NPM1: variants seen among roughly 807,000 people sequenced by gnomAD.
NPM1 encodes the protein nucleophosmin.
Under a neutral mutation model 44.1 loss-of-function variants are expected in NPM1, and 1 was observed. That is an observed-to-expected ratio of 0.02 (90% CI 0.01 to 0.11). The LOEUF is 0.11. NPM1 is among the 10% of genes least tolerant of loss of function. The pLI is 1.00. For synonymous variants in NPM1, 126 were observed against 111.8 expected (o/e 1.13, Z -0.80); for missense variants, 197 against 347.8 (o/e 0.57, Z 3.45).
chr5:171,394,045 T>TC (rs59339837), intron 6 of NPM1, among the ~76,000 whole-genome samples: 13,566 of 77,762 alleles, frequency 0.17, 1,435 homozygotes, highest in African/African-American at 0.3. Context: ...TGTTTTCTTT[T>TC]TTTTTTTTTT....
chr5:171,404,919 A>C (rs149503337), intron 8 of NPM1, among the ~76,000 whole-genome samples: 33 of 152,266 alleles, frequency 2.2e-4, no homozygotes, highest in African/African-American at 7.0e-4. Context: ...TGTGCATAAA[A>C]GCAAACTCCC....
intron 6 of NPM1, among the ~76,000 whole-genome samples, chr5:171,399,789 A>C (rs1334482291): frequency 1.3e-5 from 2 of 152,132 alleles, no homozygotes; most frequent in African/African-American, 4.8e-5. Flanking sequence ...TTTATGCAAA[A>C]CTACTCATTG....
At position 171,400,126 on chromosome 5, in the gene NPM1, C is replaced by T. The variant is rs764598744; in HGVS notation, c.525-27C>T. 4 of 1,372,190 alleles carry T rather than the reference C, an allele frequency of 2.9e-6. No individual in the cohort carries two copies. The South Asian group carries it at 4.6e-5, about 16-fold the overall frequency. The allele number at this position is 1,372,190 out of a possible 1,614,324, so 85.0% of individuals were successfully genotyped here. On this transcript the variant is annotated intron_variant, in intron 6 of 10. Transcript: ENST00000296930. Reference sequence around the variant, plus strand: ...TGTCTACTCCCAAATTTTGAAAGTGCTTAATGTCTTGACATTTCATTTGTA... The same window carrying T: ...TGTCTACTCCCAAATTTTGAAAGTGTTTAATGTCTTGACATTTCATTTGTA...
intron 4 of NPM1, among the ~76,000 whole-genome samples, chr5:171,392,206 G>A (rs1770611524): frequency 6.6e-6 from 1 of 152,164 alleles, no homozygotes; most frequent in Non-Finnish European, 1.5e-5. Flanking sequence ...CTCTCAAAGT[G>A]CTAGTATTAC....
intron 2 of NPM1, chr5:171,391,057 G>T (rs541302678): frequency 6.0e-6 from 2 of 330,942 alleles, no homozygotes; most frequent in Non-Finnish European, 1.1e-5. Context: ...ACTGTGTTTC[G>T]GTTGCTTACA....
intron 8 of NPM1, 90 bp downstream of exon 8, chr5:171,401,015 T>C (rs990319876): frequency 1.1e-6 from 1 of 876,484 alleles, no homozygotes; most frequent in African/African-American, 1.7e-5. Context: ...TGAAATTTGA[T>C]AGGCCTTTAT....
intron 6 of NPM1, among the ~76,000 whole-genome samples, chr5:171,396,755 C>T (rs1208034223): frequency 3.9e-5 from 6 of 152,090 alleles, no homozygotes; most frequent in Admixed American, 6.6e-5. Flanking sequence ...TCGATGCGGG[C>T]AGATCACCTG....
At chr5:171,397,611 TTTGTC>T (rs1770975061) in intron 6 of NPM1, among the ~76,000 whole-genome samples, 3 of 152,194 alleles carry the variant, frequency 2.0e-5, no homozygotes, top group Admixed American at 6.6e-5. Context: ...TTTACTTCTC[TTTGTC>T]TTTACTAAGT....
chr5:171,391,682 T>C, intron 3 of NPM1, 24 bp from the exon 4 acceptor site: 2 of 1,458,180 alleles, frequency 1.4e-6, no homozygotes, highest in Non-Finnish European at 1.9e-6. Context: ...ACATGTTTAG[T>C]GATGAAAAAT....
intron 8 of NPM1, among the ~76,000 whole-genome samples, chr5:171,401,248 C>G (rs1269037751): frequency 6.6e-6 from 1 of 151,966 alleles, no homozygotes; most frequent in Non-Finnish European, 1.5e-5. Context: ...ATTCCACCTA[C>G]TCAGGAGGTG....
chr5:171,393,968 A>G (rs1047196463), intron 6 of NPM1, among the ~76,000 whole-genome samples: 2 of 152,140 alleles, frequency 1.3e-5, no homozygotes, highest in Non-Finnish European at 2.9e-5. Flanking sequence ...TAAAAATTCA[A>G]AGTACTTGCA....
intron 6 of NPM1, among the ~76,000 whole-genome samples, chr5:171,397,590 A>G (rs62383964): frequency 0.4 from 61,009 of 151,588 alleles, 12,217 homozygotes; most frequent in East Asian, 0.54. Flanking sequence ...GTTTTTGCCC[A>G]CTTAAATCCA....
intron 6 of NPM1, among the ~76,000 whole-genome samples, chr5:171,399,638 A>T (rs181123517): frequency 1.3e-5 from 2 of 151,884 alleles, no homozygotes; most frequent in East Asian, 1.9e-4. Context: ...GAGTGTTTCC[A>T]TCTTGGCAAT....
chr5:171,395,240 G>A (rs1180216564), intron 6 of NPM1, among the ~76,000 whole-genome samples: 1 of 152,012 alleles, frequency 6.6e-6, no homozygotes, highest in Non-Finnish European at 1.5e-5. Context: ...TCTTTAAGTT[G>A]GGCATTGATA....
At chr5:171,409,099 C>CTA in intron 10 of NPM1, among the ~76,000 whole-genome samples, 1 of 152,310 alleles carries the variant, frequency 6.6e-6, no homozygotes, top group East Asian at 1.9e-4. Context: ...CACGAGCCAC[C>CTA]TTGCCCAGCC....
In NPM1 at chr5:171,406,436, C is replaced by A. The variant is rs1002484156; in HGVS notation, c.771+1033C>A. On this transcript the variant is annotated intron_variant, in intron 9 of 10. Transcript: ENST00000296930. ...CCTGGGCACTACATGTAAATTAAGCCCAAAGATGGGGAGAAAGGAAAAGGA... is the reference window on the plus strand; with the variant it reads ...CCTGGGCACTACATGTAAATTAAGCACAAAGATGGGGAGAAAGGAAAAGGA... 8.1e-6 allele frequency: 13 copies of A among 1,612,194 alleles called. No individual in the cohort carries two copies. In the African/African-American group the frequency reaches 1.3e-4, roughly 17 times the overall value.
chr5:171,396,062 T>C (rs1770867446), intron 6 of NPM1, among the ~76,000 whole-genome samples: 1 of 151,592 alleles, frequency 6.6e-6, no homozygotes, highest in African/African-American at 2.4e-5. Flanking sequence ...TCACTGTAAC[T>C]TCTGCCTCCC....
At chr5:171,400,361 A>G in intron 7 of NPM1, 151 bp downstream of exon 7, 1 of 630,662 alleles carries the variant, frequency 1.6e-6, no homozygotes, top group Non-Finnish European at 2.4e-6. Context: ...AGAAAACTTA[A>G]GAGTGGGGAA....
chr5:171,402,053 CTTTT>C (rs34648553), intron 8 of NPM1, among the ~76,000 whole-genome samples: 4 of 133,616 alleles, frequency 3.0e-5, no homozygotes, highest in Middle Eastern at 4.0e-3. Flanking sequence ...TTCTGATTTC[CTTTT>C]TTTTTTTTTT....
Sources: allele counts gnomAD v4.1 joint callset (sites outside exome capture counted in the v4.1 genomes callset), GRCh38; gene constraint gnomAD v4.1.1; transcripts MANE v1.5; gene names NCBI Gene and HGNC (gene_info 2026-07-23, HGNC 2026-07-21).